Variants in EDARADD observed in about 807,000 individuals in gnomAD.
EDARADD encodes the protein EDAR associated via death domain.
EDARADD carries 20 observed loss-of-function variants against 25.6 expected under a neutral mutation model. The ratio of observed to expected loss-of-function variants is 0.78; its 90% confidence interval spans 0.55 to 1.14. The LOEUF (loss-of-function observed/expected upper bound fraction) is 1.14, where lower values mean the gene tolerates loss of function less well. EDARADD is among the 50% of genes most tolerant of loss of function. The probability of loss-of-function intolerance (pLI) is 0.00; values close to 1 mark genes in which losing one functional copy is unlikely to be tolerated. For missense variants in EDARADD, 225 were observed against 270.1 expected (o/e 0.83, Z 1.17); for synonymous variants, 86 against 94.4 (o/e 0.91, Z 0.52).
intron 3 of EDARADD, among the ~76,000 whole-genome samples, chr1:236,376,666 G>C (rs549740881): frequency 6.6e-6 from 1 of 152,044 alleles, no homozygotes; most frequent in African/African-American, 2.4e-5. Flanking sequence ...CATTTATCCT[G>C]CTTTGCATAT....
chr1:236,409,343 G>A (rs376037775), intron 2 of EDARADD, 69 bp downstream of exon 2: 20 of 1,300,822 alleles, frequency 1.5e-5, no homozygotes, highest in East Asian at 7.0e-5. Flanking sequence ...ATTTCTTTAC[G>A]TTTTTATTAC....
intron 1 of EDARADD, among the ~76,000 whole-genome samples, chr1:236,400,950 A>C (rs577663074): frequency 6.6e-6 from 1 of 152,160 alleles, no homozygotes; most frequent in East Asian, 1.9e-4. Flanking sequence ...AATCCCCAGC[A>C]CTTTAGGAGG....
At chr1:236,358,285 T>C (rs1446945531) in intron 3 of EDARADD, among the ~76,000 whole-genome samples, 1 of 152,266 alleles carries the variant, frequency 6.6e-6, no homozygotes, top group Non-Finnish European at 1.5e-5. Flanking sequence ...GGAATACTTA[T>C]TCTATTTTAT....
chr1:236,408,849 G>A (rs1667784023), intron 1 of EDARADD, among the ~76,000 whole-genome samples: 1 of 151,936 alleles, frequency 6.6e-6, no homozygotes, highest in Non-Finnish European at 1.5e-5. Flanking sequence ...CGACTCCTGG[G>A]CTCAAGCGAT....
chr1:236,420,995 A>G (rs1657770123), intron 3 of EDARADD, among the ~76,000 whole-genome samples: 1 of 145,140 alleles, frequency 6.9e-6, no homozygotes, highest in African/African-American at 2.5e-5. Context: ...CGGCCTCCCA[A>G]AGTGCTGGGA....
chr1:236,474,738 T>C (rs1659455656), intron 5 of EDARADD, among the ~76,000 whole-genome samples: 1 of 152,226 alleles, frequency 6.6e-6, no homozygotes, highest in South Asian at 2.1e-4. Context: ...CAATGCACAG[T>C]TCTCATTCAT....
At chr1:236,422,485 G>A (rs1657806286) in intron 3 of EDARADD, among the ~76,000 whole-genome samples, 2 of 152,186 alleles carry the variant, frequency 1.3e-5, no homozygotes, top group African/African-American at 4.8e-5. Flanking sequence ...CAGATGGGGC[G>A]ATTTGTTGGC....
In EDARADD at chr1:236,395,337, C is replaced by A; in HGVS notation, c.61+832C>A. 1 of 1,315,730 alleles carries A rather than the reference C, an allele frequency of 7.6e-7. No homozygotes were observed. The highest frequency in any genetic ancestry group is 9.7e-7 in the Non-Finnish European group (1 of 1,029,808). The allele number at this position is 1,315,730 out of a possible 1,614,324, so 81.5% of individuals were successfully genotyped here. ...TCGGGGCCCCGCCTTGCGTCCCAGC[C>A]CCGGGTCGCGGCACCCCGGCTCCCG... On this transcript the variant is annotated intron_variant, in intron 1 of 5. Transcript: ENST00000334232. The surrounding 1 kb of genome is among the most constrained non-coding windows in gnomAD (Gnocchi z 6.9).
At chr1:236,475,951 G>A (rs1659490937) in intron 5 of EDARADD, among the ~76,000 whole-genome samples, 1 of 152,008 alleles carries the variant, frequency 6.6e-6, no homozygotes, top group South Asian at 2.1e-4. Flanking sequence ...AGCACTTTGG[G>A]AGGCCAAGGC....
At chr1:236,434,532 G>C (rs1278210479) in intron 4 of EDARADD, among the ~76,000 whole-genome samples, 4 of 152,308 alleles carry the variant, frequency 2.6e-5, no homozygotes, top group Middle Eastern at 3.4e-3. Flanking sequence ...GAGCCACTGT[G>C]CCTGGCCTTT....
At chr1:236,393,452 G>A (rs1667458176), upstream of EDARADD, among the ~76,000 whole-genome samples, 3 of 133,150 alleles carry the variant, frequency 2.3e-5, no homozygotes, top group Admixed American at 1.7e-4. Flanking sequence ...CTGGAGTGCC[G>A]TGGTGCAATC....
intron 3 of EDARADD, among the ~76,000 whole-genome samples, chr1:236,380,716 CTGTT>C (rs972187950): frequency 1.3e-5 from 2 of 152,064 alleles, no homozygotes; most frequent in Non-Finnish European, 2.9e-5. Flanking sequence ...TGGCATGTAT[CTGTT>C]TGTTTGTTGT....
chr1:236,439,978 C>G (rs1034491326), intron 4 of EDARADD, among the ~76,000 whole-genome samples: 3 of 152,120 alleles, frequency 2.0e-5, no homozygotes, highest in African/African-American at 7.2e-5. Context: ...TTATAATTTT[C>G]TATTTACTTC....
Position 236,482,400 on chromosome 1 carries a change from C to A in EDARADD, c.399C>A (p.His133Gln), listed in dbSNP as rs760843174. The A allele has an allele frequency of 6.2e-7, 1 of 1,614,170 alleles. No individual in the cohort carries two copies. Residue 133 changes from histidine (H) to glutamine (Q), a missense_variant, in exon 6 of 6, where the codon CAC becomes CAA. Coordinates refer to ENST00000334232, the MANE Select transcript of EDARADD (RefSeq NM_145861.4). ...DVIRIKLDPC[H>Q]PTVKNWRNFA... Reference sequence around the variant, plus strand: ...TCAGGATAAAGCTGGATCCGTGTCACCCAACGGTGAAAAACTGGAGGAATT... The same window carrying A: ...TCAGGATAAAGCTGGATCCGTGTCAACCAACGGTGAAAAACTGGAGGAATT...
At position 236,484,567 on chromosome 1, in the gene EDARADD, G is replaced by A. The variant is rs1659778156; in HGVS notation, c.*1918G>A. The A allele has an allele frequency of 1.1e-6, 1 of 940,542 alleles. No individual in the cohort carries two copies. Among genetic ancestry groups the A allele is most frequent in the Non-Finnish European group, 1.6e-6 (1 of 608,496 alleles). 58.3% of individuals were successfully genotyped at this position (940,542 alleles called of 1,614,324 possible). A position where few individuals can be genotyped will look rare whatever the true frequency, so the allele number is the denominator to read the frequency against. On this transcript the variant is annotated 3_prime_UTR_variant, in exon 6 of 6. Coordinates refer to ENST00000334232, the MANE Select transcript of EDARADD (RefSeq NM_145861.4). This position sits in a 1 kb window ranked among gnomAD's most constrained non-coding sequence, Gnocchi z 4.1. ...TCAAGACCCCCGAGCAACATTTGTA[G>A]GGGCCGCTGCTAGTTAGCTACCCTT...
At chr1:236,388,981 C>T (rs934946302) in intron 3 of EDARADD, among the ~76,000 whole-genome samples, 2 of 134,986 alleles carry the variant, frequency 1.5e-5, no homozygotes, top group South Asian at 5.4e-4. Flanking sequence ...TTTCTTGCAA[C>T]AGCAATAACC....
At chr1:236,375,730 T>A (rs1174899050) in intron 3 of EDARADD, among the ~76,000 whole-genome samples, 1 of 148,472 alleles carries the variant, frequency 6.7e-6, no homozygotes, top group Non-Finnish European at 1.5e-5. Flanking sequence ...CTACAAAAAA[T>A]TTAAAAATTA....
intron 3 of EDARADD, among the ~76,000 whole-genome samples, chr1:236,373,158 G>A (rs184128277): frequency 6.5e-4 from 98 of 150,224 alleles, no homozygotes; most frequent in East Asian, 1.2e-3. Context: ...CTTGTGATCC[G>A]CCCGCCTTGG....
At chr1:236,441,948 A>G (rs1658413948) in intron 4 of EDARADD, among the ~76,000 whole-genome samples, 1 of 152,200 alleles carries the variant, frequency 6.6e-6, no homozygotes, top group African/African-American at 2.4e-5. Context: ...TCATCTCCGT[A>G]ACATAAAAGT....
Sources: gnomAD v4.1 joint callset for allele counts (sites outside exome capture counted in the v4.1 genomes callset) on GRCh38, gnomAD v4.1.1 for gene constraint, Gnocchi (gnomAD v3.1) non-coding constraint, MANE v1.5 for transcripts, NCBI Gene and HGNC (gene_info 2026-07-23, HGNC 2026-07-21) for gene names.